MIDEAS: variants seen among roughly 807,000 people sequenced by gnomAD.
MIDEAS encodes the protein mitotic deacetylase-associated SANT domain protein.
In MIDEAS, 26 loss-of-function variants were observed where a neutral mutation model predicts 102.7. That is an observed-to-expected ratio of 0.25 (90% CI 0.19 to 0.35). The LOEUF is 0.35. Among genes scored for constraint, MIDEAS ranks in the 10% least tolerant of loss-of-function variants. The probability of loss-of-function intolerance (pLI) is 1.00; values close to 1 mark genes in which losing one functional copy is unlikely to be tolerated. For missense variants in MIDEAS, 1,231 were observed against 1,435.6 expected (o/e 0.86, Z 2.30); for synonymous variants, 585 against 591.0 (o/e 0.99, Z 0.15).
At position 73,721,342 on chromosome 14, in the gene MIDEAS, C is replaced by T; in HGVS notation, c.2892G>A (p.Arg964=). 3 of 1,614,022 alleles carry T rather than the reference C, an allele frequency of 1.9e-6. No homozygotes were observed. The highest frequency in any genetic ancestry group is 2.2e-5 in the South Asian group (2 of 91,082). The change falls in exon 11 of 13, where the codon CGG becomes CGA. Residue 964 remains arginine, a synonymous_variant. Transcript: ENST00000423556. ...EQEEGRERSR[R]AAAVKATQTL... Reference sequence around the variant, plus strand: ...TCTGCGTGGCTTTGACTGCCGCTGCCCGCCTGCTGCGCTCTCGCCCCTCTT... The same window carrying T: ...TCTGCGTGGCTTTGACTGCCGCTGCTCGCCTGCTGCGCTCTCGCCCCTCTT...
intron 1 of MIDEAS, among the ~76,000 whole-genome samples, chr14:73,784,148 G>A (rs749251128): frequency 6.6e-6 from 1 of 152,244 alleles, no homozygotes; most frequent in Non-Finnish European, 1.5e-5. Flanking sequence ...CTCTTGTCAA[G>A]TTTTGAATCA....
In MIDEAS at chr14:73,716,180, G is replaced by A. The variant is rs193062012; in HGVS notation, c.*2663C>T. 1.3e-5 allele frequency: 2 copies of A among 152,662 alleles called. No individual in the cohort carries two copies. The highest frequency in any genetic ancestry group is 4.8e-5 in the African/African-American group (2 of 41,558). 9.5% of individuals were successfully genotyped at this position (152,662 alleles called of 1,614,324 possible). ...TATACCTATGCCAGCTTCTATAGCTGCACCTGCTTTATTGGCAGGTCACTT... is the reference window on the plus strand; with the variant it reads ...TATACCTATGCCAGCTTCTATAGCTACACCTGCTTTATTGGCAGGTCACTT... On this transcript the variant is annotated 3_prime_UTR_variant, in exon 13 of 13. Coordinates refer to ENST00000423556, the MANE Select transcript of MIDEAS (RefSeq NM_001367710.1).
chr14:73,721,583 C>T (rs1457558407), intron 10 of MIDEAS, 74 bp from the exon 11 acceptor site: 50 of 1,431,568 alleles, frequency 3.5e-5, no homozygotes, highest in South Asian at 2.5e-4. Flanking sequence ...CTGACCCGGC[C>T]GGGGGGTTCA....
chr14:73,774,503 G>T (rs990620045), intron 1 of MIDEAS, among the ~76,000 whole-genome samples: 3 of 151,894 alleles, frequency 2.0e-5, no homozygotes, highest in Non-Finnish European at 2.9e-5. Context: ...CATGAGAAAC[G>T]AAAGGATCCT....
rs1341406416 is a variant in MIDEAS at position 73,739,474 on chromosome 14, C to T, written c.535G>A (p.Val179Met). The change falls in exon 2 of 13, where the codon GTG becomes ATG. Residue 179 changes from valine to methionine, a missense_variant. Physicochemically the swap from Val to Met is conservative, Grantham distance 21 (BLOSUM62 1). Transcript: ENST00000423556. ...KAGGPQLDRYVRPMMPQKVQL... is the reference protein window; with the variant it reads ...KAGGPQLDRYMRPMMPQKVQL... The stretch of plus-strand genomic sequence containing the variant: ...ACCTTCTGTGGCATCATTGGTCGCA[C>T]ATAGCGGTCCAGCTGTGGGCCCCCC... 5 of 1,608,154 alleles carry T rather than the reference C, an allele frequency of 3.1e-6. No homozygotes were observed. In the East Asian group the frequency reaches 8.9e-5, roughly 29 times the overall value.
At chr14:73,741,458 C>T (rs1010152699) in intron 1 of MIDEAS, among the ~76,000 whole-genome samples, 6 of 152,008 alleles carry the variant, frequency 3.9e-5, no homozygotes, top group South Asian at 2.1e-4. Context: ...GAAAACAGCT[C>T]GGGCGGCTCT....
At chr14:73,773,821 G>A (rs1232463695) in intron 1 of MIDEAS, among the ~76,000 whole-genome samples, 13 of 151,658 alleles carry the variant, frequency 8.6e-5, no homozygotes, top group Non-Finnish European at 1.3e-4. Context: ...TCACGAGTTC[G>A]AGACCAGCCT....
intron 11 of MIDEAS, among the ~76,000 whole-genome samples, chr14:73,720,393 G>A (rs1025573311): frequency 6.6e-5 from 10 of 151,814 alleles, no homozygotes; most frequent in Non-Finnish European, 8.8e-5. Context: ...GATTACAGGC[G>A]TGCACCACCA....
rs2075026 is a variant in MIDEAS, at chr14:73,725,802, C to T, written c.2485+231G>A. Among the ~76,000 whole-genome samples, 19,163 of 152,100 alleles carry T rather than the reference C, an allele frequency of 0.13. 2,204 individuals carry two copies. The highest frequency in any genetic ancestry group is 0.61 in the East Asian group (3,163 of 5,156). ...TGTCCTTGTGGCCTGGGCTTTTTTG[C>T]CTGGATGGTCTCCCACCTGCCCACT... On this transcript the variant is annotated intron_variant, in intron 8 of 12. Transcript: ENST00000423556. The surrounding 1 kb of genome is among the most constrained non-coding windows in gnomAD (Gnocchi z 4.1).
chr14:73,734,828 G>C (rs1158956935), intron 3 of MIDEAS, among the ~76,000 whole-genome samples: 1 of 152,176 alleles, frequency 6.6e-6, no homozygotes, highest in Non-Finnish European at 1.5e-5. Context: ...TAGTTCTCTT[G>C]AAGAAATACG....
chr14:73,763,331 T>C (rs2053568518), upstream of MIDEAS, among the ~76,000 whole-genome samples: 1 of 152,098 alleles, frequency 6.6e-6, no homozygotes. Context: ...GGGTGAGACG[T>C]TGTCTCAAGA....
At chr14:73,729,473 C>G (rs1433768571) in intron 4 of MIDEAS, among the ~76,000 whole-genome samples, 167 bp downstream of exon 4, 1 of 152,224 alleles carries the variant, frequency 6.6e-6, no homozygotes, top group Non-Finnish European at 1.5e-5. Context: ...CCCCACCCCT[C>G]CTTGTTGAAC....
At chr14:73,778,433 A>G (rs775350989) in intron 1 of MIDEAS, among the ~76,000 whole-genome samples, 3 of 151,790 alleles carry the variant, frequency 2.0e-5, no homozygotes, top group Non-Finnish European at 2.9e-5. Context: ...TTCCTCCATA[A>G]CTGGAGAAGT....
At position 73,739,410 on chromosome 14, in the gene MIDEAS, G is replaced by A. The variant is rs2053252665; in HGVS notation, c.599C>T (p.Ser200Phe). 1.3e-6 allele frequency: 2 copies of A among 1,580,308 alleles called. No homozygotes were observed. Among genetic ancestry groups the A allele is most frequent in the African/African-American group, 1.3e-5 (1 of 74,322 alleles). The stretch of plus-strand genomic sequence containing the variant: ...TGGGGGTTTCTTGGCTGCGTGGAAA[G>A]AATTCAGGGGTGCCTGGGGCCGCCC... ...EVGRPQAPLNSFHAAKKPPNQ... is the reference protein window; with the variant it reads ...EVGRPQAPLNFFHAAKKPPNQ... The change falls in exon 2 of 13, where the codon TCT becomes TTT. Residue 200 changes from serine (S) to phenylalanine (F), a missense_variant. Ser to Phe is a radical substitution (Grantham distance 155). Coordinates refer to ENST00000423556, the MANE Select transcript of MIDEAS (RefSeq NM_001367710.1).
intron 2 of MIDEAS, among the ~76,000 whole-genome samples, chr14:73,738,149 G>A (rs1199606892): frequency 6.6e-6 from 1 of 152,080 alleles, no homozygotes; most frequent in African/African-American, 2.4e-5. Context: ...TGTAATCCTA[G>A]CACTTTGGGG....
At chr14:73,776,888 C>T (rs989140913) in intron 1 of MIDEAS, among the ~76,000 whole-genome samples, 8 of 151,850 alleles carry the variant, frequency 5.3e-5, no homozygotes, top group African/African-American at 9.7e-5. Flanking sequence ...CTGGCCAAGA[C>T]GGTGAAACCC....
At chr14:73,738,246 AT>A (rs1173236665) in intron 2 of MIDEAS, among the ~76,000 whole-genome samples, 2 of 151,606 alleles carry the variant, frequency 1.3e-5, no homozygotes, top group East Asian at 4.0e-4. Flanking sequence ...AAATACAAAA[AT>A]TAGCCAGGCA....
intron 7 of MIDEAS, 52 bp from the exon 8 acceptor site, chr14:73,726,160 G>A: frequency 2.1e-6 from 3 of 1,417,074 alleles, no homozygotes; most frequent in Non-Finnish European, 2.0e-6. Flanking sequence ...TGTCGGTGGT[G>A]GACGGAGCAT....
intron 1 of MIDEAS, among the ~76,000 whole-genome samples, chr14:73,750,964 A>G (rs569079181): frequency 1.3e-5 from 2 of 152,252 alleles, no homozygotes; most frequent in Non-Finnish European, 2.9e-5. Context: ...GCATGGTGCT[A>G]AGCACACTAC....
Sources: allele counts gnomAD v4.1 joint callset (sites outside exome capture counted in the v4.1 genomes callset), GRCh38; gene constraint gnomAD v4.1.1; non-coding constraint Gnocchi (gnomAD v3.1); transcripts MANE v1.5; gene names NCBI Gene and HGNC (gene_info 2026-07-23, HGNC 2026-07-21).